The following ZNF415 variants were observed in gnomAD, a reference collection of about 807,000 sequenced individuals.
ZNF415 encodes zinc finger protein 415.
Under a neutral mutation model 7.3 loss-of-function variants are expected in ZNF415, and 5 were observed. The observed-to-expected ratio is 0.69, with a 90% CI of 0.36 to 1.44. The LOEUF is 1.44. ZNF415 is among the 40% of genes most tolerant of loss of function. The pLI, the probability that ZNF415 is intolerant of heterozygous loss-of-function variation, is 0.04. For missense variants in ZNF415, 628 were observed against 664.8 expected, an observed-to-expected ratio of 0.94 and a Z score of 0.61; for synonymous variants, 207 against 226.3, an observed-to-expected ratio of 0.91 and a Z score of 0.77.
chr19:53,126,693 A>G (rs1269049531), intron 1 of ZNF415, among the ~76,000 whole-genome samples: 1 of 127,942 alleles, frequency 7.8e-6, no homozygotes, highest in African/African-American at 2.6e-5. Context: ...GCATAGGATG[A>G]GATGTGTGTT....
rs766404018 is a variant in ZNF415 at position 53,109,219 on chromosome 19, C to G, written c.826G>C (p.Glu276Gln). The G allele has an allele frequency of 6.2e-7, 1 of 1,614,112 alleles. No homozygotes were observed. ...HTGEKPYKCN[E>Q]CDRSFSRNSC... is the part of the protein sequence containing the mutation. ...TTGCGACTGAAACTTCTGTCACATTCATTACATTTGTATGGTTTCTCTCCA... is the reference window on the plus strand; with the variant it reads ...TTGCGACTGAAACTTCTGTCACATTGATTACATTTGTATGGTTTCTCTCCA... Residue 276 changes from glutamate (E) to glutamine (Q), a missense_variant, in exon 4 of 4, where the codon GAA (glutamate) becomes CAA (glutamine). By Grantham distance (29) the Glu-to-Gln change is conservative. Transcript: ENST00000243643.
intron 3 of ZNF415, among the ~76,000 whole-genome samples, chr19:53,113,939 A>C (rs576543907): frequency 6.6e-6 from 1 of 152,336 alleles, no homozygotes; most frequent in Admixed American, 6.5e-5. Flanking sequence ...GGCTCGCCTG[A>C]TATTTTGTAT....
Position 53,108,208 on chromosome 19 carries a change from G to T in ZNF415, c.*169C>A. The T allele has an allele frequency of 1.5e-6, 1 of 665,620 alleles. No individual in the cohort carries two copies. The highest frequency in any genetic ancestry group is 2.1e-5 in the South Asian group (1 of 47,252). 41.2% of individuals were successfully genotyped at this position (665,620 alleles called of 1,614,324 possible). Reference sequence around the variant, plus strand: ...TGAATGCTTGAACTTGTGATGAAGGGTTTGCTGTACTCGTAAGGATTCTCT... The same window carrying T: ...TGAATGCTTGAACTTGTGATGAAGGTTTTGCTGTACTCGTAAGGATTCTCT... On this transcript the variant is annotated 3_prime_UTR_variant, in exon 4 of 4. Coordinates refer to ENST00000243643, the MANE Select transcript of ZNF415 (RefSeq NM_018355.4).
rs1422180478 is a variant in ZNF415 at position 53,128,260 on chromosome 19, T to C, written c.-68+4596A>G. On this transcript the variant is annotated intron_variant, in intron 1 of 3. Transcript: ENST00000243643. ...GACAGTGGGCCTCAAGTCTAGATTC[T>C]AGAAGTTGGCCATGCTGGAAGGAAT... 2.0e-5 allele frequency among the ~76,000 whole-genome samples: 3 copies of C among 151,946 alleles called. No homozygotes were observed. In the East Asian group the frequency reaches 5.8e-4, roughly 29 times the overall value.
intron 1 of ZNF415, chr19:53,124,101 A>C (rs989287127): frequency 2.6e-5 from 4 of 152,196 alleles, no homozygotes; most frequent in African/African-American, 9.7e-5. Flanking sequence ...TTAGCCGGGC[A>C]TGGTGGTAGG....
At chr19:53,123,970 G>C (rs1456700335) in intron 1 of ZNF415, 1 of 157,544 alleles carries the variant, frequency 6.3e-6, no homozygotes, top group Non-Finnish European at 1.4e-5. Flanking sequence ...AGGCGCAGTG[G>C]CTCACACCTG....
rs761403077 is a variant in ZNF415 at position 53,109,484 on chromosome 19, G to A, written c.561C>T (p.Thr187=). 6.2e-7 allele frequency: 1 copy of A among 1,614,038 alleles called. No homozygotes were observed. The highest frequency in any genetic ancestry group is 8.5e-7 in the Non-Finnish European group (1 of 1,179,970). ...CAGTCCCATATTTATTAGAAACATG[G>A]GTTTTGATGGTAGAAGAAATTATTT... ...PPQIISSTIK[T]HVSNKYGTDF... is the part of the protein sequence containing the mutation. The change falls in exon 4 of 4, where the codon ACC becomes ACT. Residue 187 remains threonine, a synonymous_variant. Coordinates refer to ENST00000243643, the MANE Select transcript of ZNF415 (RefSeq NM_018355.4).
intron 3 of ZNF415, among the ~76,000 whole-genome samples, chr19:53,115,024 C>T (rs1296520411): frequency 6.6e-6 from 1 of 152,060 alleles, no homozygotes; most frequent in Non-Finnish European, 1.5e-5. Context: ...GCGAACTGAG[C>T]ATCAGGTGGC....
rs761399010 is a variant in ZNF415 at position 53,122,761 on chromosome 19, G to C, written c.-67-18C>G. On this transcript the variant is annotated intron_variant, in intron 1 of 3. Coordinates refer to ENST00000243643, the MANE Select transcript of ZNF415 (RefSeq NM_018355.4). ...AGTCAATGCTGAATAACAACAACAA[G>C]TGCTGTTTATTGCTTAGAAACAACA... is the stretch of plus-strand genomic sequence containing the variant. The C allele has an allele frequency of 1.9e-6, 3 of 1,584,014 alleles. No homozygotes were observed.
rs147710168 is a variant in ZNF415, at chr19:53,109,533, T to C, written c.512A>G (p.His171Arg). ...TTGGGGTGGTGAAACTGAGGAACCA[T>C]GGTTGACAGACTTCTCAACATGGTT... ...ECNHVEKSVN[H>R]GSSVSPPQII... The change falls in exon 4 of 4, where the codon CAT (histidine) becomes CGT (arginine). Residue 171 changes from histidine (H) to arginine (R), a missense_variant. Physicochemically the swap from His to Arg is conservative, Grantham distance 29 (BLOSUM62 0). Transcript: ENST00000243643. 1.6e-4 allele frequency: 260 copies of C among 1,614,076 alleles called. No individual in the cohort carries two copies. In the African/African-American group the frequency reaches 2.9e-3, roughly 18 times the overall value.
chr19:53,131,332 C>T (rs1164713030), intron 1 of ZNF415, among the ~76,000 whole-genome samples: 1 of 152,084 alleles, frequency 6.6e-6, no homozygotes, highest in Non-Finnish European at 1.5e-5. Flanking sequence ...AGTCACTTCC[C>T]TCTGCCTTAA....
Position 53,109,778 on chromosome 19 carries a change from G to C in ZNF415, c.267C>G (p.Ile89Met). The C allele has an allele frequency of 6.2e-7, 1 of 1,613,512 alleles. No homozygotes were observed. Residue 89 changes from isoleucine to methionine, a missense_variant, in exon 4 of 4, where the codon ATC becomes ATG. Ile to Met is a conservative substitution (Grantham distance 10, BLOSUM62 1). Transcript: ENST00000243643. ...HDIEEFCFREIKKKIHDFDCQ... is the reference protein window; with the variant it reads ...HDIEEFCFREMKKKIHDFDCQ... The stretch of plus-strand genomic sequence containing the variant: ...AGTCAAAGTCGTGTATTTTTTTCTT[G>C]ATTTCCCTGAAGCAAAACTCTTCAA...
chr19:53,111,504 G>T (rs1440449789), intron 3 of ZNF415, among the ~76,000 whole-genome samples: 4 of 151,902 alleles, frequency 2.6e-5, no homozygotes, highest in African/African-American at 9.7e-5. Flanking sequence ...CACCATGCCT[G>T]GCTAATTTTT....
intron 3 of ZNF415, among the ~76,000 whole-genome samples, chr19:53,114,413 C>T (rs1162585483): frequency 2.0e-5 from 3 of 152,118 alleles, no homozygotes; most frequent in Admixed American, 1.3e-4. Flanking sequence ...GGTGATCCGC[C>T]CACCTCAGCC....
chr19:53,124,688 C>T (rs2088738473), intron 1 of ZNF415, among the ~76,000 whole-genome samples: 1 of 152,120 alleles, frequency 6.6e-6, no homozygotes, highest in African/African-American at 2.4e-5. Flanking sequence ...CATTCCCAGT[C>T]ACTACTGAGT....
intron 3 of ZNF415, among the ~76,000 whole-genome samples, chr19:53,114,463 T>C (rs57426734): frequency 0.16 from 23,743 of 152,134 alleles, 2,406 homozygotes; most frequent in African/African-American, 0.29. Flanking sequence ...CCACCGCACC[T>C]GGTCAAAAGT....
rs141465462 is a variant in ZNF415 at position 53,110,995 on chromosome 19, A to G, written c.137-1087T>C. On this transcript the variant is annotated intron_variant, in intron 3 of 3. Coordinates refer to ENST00000243643, the MANE Select transcript of ZNF415 (RefSeq NM_018355.4). Reference sequence around the variant, plus strand: ...CTGAAATCAGAGAACACAATGTTTAAAACGAATTGAAAATAAAATCAAACA... The same window carrying G: ...CTGAAATCAGAGAACACAATGTTTAGAACGAATTGAAAATAAAATCAAACA... Among the ~76,000 whole-genome samples the G allele has an allele frequency of 1.9e-3, 288 of 152,360 alleles. 2 individuals are homozygous for G. The highest frequency in any genetic ancestry group is 6.7e-3 in the African/African-American group (278 of 41,584).
intron 1 of ZNF415, among the ~76,000 whole-genome samples, chr19:53,127,600 CG>C (rs2089373893): frequency 6.6e-6 from 1 of 152,154 alleles, no homozygotes; most frequent in Non-Finnish European, 1.5e-5. Flanking sequence ...CCTGATCGGC[CG>C]GGCGTGGTGG....
At chr19:53,110,258 A>G (rs1246792428) in intron 3 of ZNF415, among the ~76,000 whole-genome samples, 1 of 152,202 alleles carries the variant, frequency 6.6e-6, no homozygotes, top group Non-Finnish European at 1.5e-5. Context: ...ATTGAAATAA[A>G]TATTACATTT....
Sources: allele counts gnomAD v4.1 joint callset (sites outside exome capture counted in the v4.1 genomes callset), GRCh38; gene constraint gnomAD v4.1.1; transcripts MANE v1.5; gene names NCBI Gene and HGNC (gene_info 2026-07-23, HGNC 2026-07-21).